The following BTBD16 variants were observed in gnomAD, a reference collection of about 807,000 sequenced individuals.
BTBD16 encodes the protein BTB/POZ domain-containing protein 16.
A neutral mutation model predicts 67.4 loss-of-function variants in BTBD16; 66 were observed. The ratio of observed to expected loss-of-function variants is 0.98; its 90% CI spans 0.80 to 1.20. BTBD16 has a LOEUF of 1.20. Among genes scored for constraint, BTBD16 ranks in the 50% most tolerant of loss-of-function variants. BTBD16 has a pLI of 0.00. For synonymous variants in BTBD16, 242 were observed against 236.4 expected (o/e 1.02, Z -0.22); for missense variants, 634 against 616.0 (o/e 1.03, Z -0.31).
At chr10:122,327,577 T>C (rs6585813) in intron 10 of BTBD16, 515,596 of 984,142 alleles carry the variant, frequency 0.52, 136,739 homozygotes, top group East Asian at 0.86. Flanking sequence ...GCCTCGGGGG[T>C]CCCAGCTTGG....
intron 10 of BTBD16, among the ~76,000 whole-genome samples, chr10:122,329,056 G>A (rs1407839474): frequency 6.6e-6 from 1 of 152,256 alleles, no homozygotes; most frequent in South Asian, 2.1e-4. Flanking sequence ...GTTCCAGTCC[G>A]AGCTGAGCCT....
intron 7 of BTBD16, among the ~76,000 whole-genome samples, chr10:122,296,550 C>G (rs1229828155): frequency 5.3e-5 from 8 of 152,182 alleles, no homozygotes; most frequent in African/African-American, 1.9e-4. Context: ...CTCGGGTGCC[C>G]TGCTCAATGA....
In BTBD16 at chr10:122,275,107, G is replaced by A. The variant is rs753278526; in HGVS notation, c.18+8G>A. ...ATGATAATGTCGAACACGGTGAGTA[G>A]ATCAGTTTCTCAAGAAGGTAGGTGA... is the stretch of plus-strand genomic sequence containing the variant. On this transcript the variant is annotated splice_region_variant and intron_variant, in intron 2 of 15. Coordinates refer to ENST00000260723, the MANE Select transcript of BTBD16 (RefSeq NM_144587.5). 9 of 1,613,560 alleles carry A rather than the reference G, an allele frequency of 5.6e-6. No homozygotes were observed. The highest frequency in any genetic ancestry group is 2.2e-5 in the East Asian group (1 of 44,874).
At chr10:122,320,579 C>T (rs2096433791) in intron 10 of BTBD16, among the ~76,000 whole-genome samples, 1 of 152,022 alleles carries the variant, frequency 6.6e-6, no homozygotes, top group African/African-American at 2.4e-5. Context: ...TTTTAAACTT[C>T]ATTCAGTTCA....
intron 1 of BTBD16, among the ~76,000 whole-genome samples, chr10:122,273,085 T>G (rs2142037086): frequency 6.6e-6 from 1 of 152,110 alleles, no homozygotes; most frequent in South Asian, 2.1e-4. Flanking sequence ...ACTTATAAAT[T>G]GGTGATAGGA....
At chr10:122,326,680 T>C (rs1431508815) in intron 10 of BTBD16, among the ~76,000 whole-genome samples, 3 of 152,126 alleles carry the variant, frequency 2.0e-5, no homozygotes, top group African/African-American at 7.2e-5. Flanking sequence ...TCCGAGTCTA[T>C]GGGAGATTTG....
intron 10 of BTBD16, among the ~76,000 whole-genome samples, chr10:122,323,683 G>C (rs1009100881): frequency 3.3e-5 from 5 of 152,208 alleles, no homozygotes; most frequent in Admixed American, 2.6e-4. Flanking sequence ...TTCAGTTCAT[G>C]TCAGTTTGTA....
chr10:122,332,927 T>G (rs2096457549), intron 13 of BTBD16: 1 of 985,154 alleles, frequency 1.0e-6, no homozygotes, highest in Non-Finnish European at 1.2e-6. Flanking sequence ...AGGGGTGAAC[T>G]CAGTCTGGGC....
chr10:122,305,723 A>G (rs2096402594), intron 9 of BTBD16, among the ~76,000 whole-genome samples: 1 of 152,114 alleles, frequency 6.6e-6, no homozygotes, highest in Admixed American at 6.6e-5. Flanking sequence ...TAGTTTTTCA[A>G]TCCTCGCCCT....
chr10:122,298,903 A>G (rs1370867383), intron 8 of BTBD16, 101 bp from the exon 9 acceptor site: 3 of 1,489,804 alleles, frequency 2.0e-6, no homozygotes, highest in African/African-American at 2.8e-5. Flanking sequence ...GCGCCTCTGC[A>G]GTGACTCTCC....
At chr10:122,320,634 A>G (rs1240882741) in intron 10 of BTBD16, among the ~76,000 whole-genome samples, 1 of 151,978 alleles carries the variant, frequency 6.6e-6, no homozygotes, top group Admixed American at 6.6e-5. Context: ...TGACCTATGG[A>G]TTATTTAGAA....
chr10:122,295,143 G>A (rs1019144854), intron 7 of BTBD16, among the ~76,000 whole-genome samples: 8 of 152,206 alleles, frequency 5.3e-5, no homozygotes, highest in African/African-American at 7.2e-5. Flanking sequence ...GCTGCTTCCC[G>A]GCAGTCTGTT....
At chr10:122,337,660 T>G (rs2133336250) in intron 15 of BTBD16, among the ~76,000 whole-genome samples, 1 of 152,212 alleles carries the variant, frequency 6.6e-6, no homozygotes, top group East Asian at 1.9e-4. Context: ...ACAGACAGGG[T>G]TTCACCATAT....
intron 3 of BTBD16, among the ~76,000 whole-genome samples, chr10:122,281,536 A>G (rs2096353188): frequency 6.6e-6 from 1 of 152,158 alleles, no homozygotes; most frequent in South Asian, 2.1e-4. Flanking sequence ...TGTAGCTGGG[A>G]CTATAGGAGC....
intron 6 of BTBD16, 139 bp from the exon 7 acceptor site, chr10:122,290,941 G>A (rs1564969293): frequency 1.6e-6 from 2 of 1,272,732 alleles, no homozygotes; most frequent in Admixed American, 2.8e-5. Context: ...TCTGGGCGGT[G>A]CCTGCATCCA....
At chr10:122,304,799 C>A (rs371628287) in intron 9 of BTBD16, among the ~76,000 whole-genome samples, 1 of 151,990 alleles carries the variant, frequency 6.6e-6, no homozygotes, top group Non-Finnish European at 1.5e-5. Context: ...GTGATCTGCC[C>A]GCCTCGGCCT....
At chr10:122,326,736 C>G (rs1286335785) in intron 10 of BTBD16, among the ~76,000 whole-genome samples, 1 of 152,172 alleles carries the variant, frequency 6.6e-6, no homozygotes, top group African/African-American at 2.4e-5. Context: ...CTGGATGTAT[C>G]TTTCAGTAGC....
intron 14 of BTBD16, among the ~76,000 whole-genome samples, chr10:122,336,001 C>T (rs567477186): frequency 8.3e-4 from 127 of 152,202 alleles, no homozygotes; most frequent in Non-Finnish European, 1.3e-3. Context: ...AATGGATAAA[C>T]GAGTGAATTA....
intron 13 of BTBD16, chr10:122,332,968 G>T (rs1590101875): frequency 1.0e-6 from 1 of 985,356 alleles, no homozygotes; most frequent in Middle Eastern, 5.2e-4. Flanking sequence ...GAATAAAACT[G>T]CAGTGGGTCA....
Sources: gnomAD v4.1 joint callset for allele counts (sites outside exome capture counted in the v4.1 genomes callset) on GRCh38, gnomAD v4.1.1 for gene constraint, MANE v1.5 for transcripts, NCBI Gene and HGNC (gene_info 2026-07-23, HGNC 2026-07-21) for gene names.